Variants in SLC4A10 observed in about 807,000 individuals in gnomAD.
SLC4A10 encodes solute carrier family 4 member 10.
Under a neutral mutation model 137.7 loss-of-function variants are expected in SLC4A10, and 42 were observed. The observed-to-expected ratio is 0.30, with a 90% CI of 0.24 to 0.39. The LOEUF is 0.39. Among genes scored for constraint, SLC4A10 ranks in the 10% least tolerant of loss-of-function variants. The probability of loss-of-function intolerance (pLI) is 1.00; values close to 1 mark genes in which losing one functional copy is unlikely to be tolerated. For missense variants in SLC4A10, 925 were observed against 1,355.0 expected (o/e 0.68, Z 4.98); for synonymous variants, 474 against 464.1 (o/e 1.02, Z -0.27).
chr2:161,924,288 A>G (rs1351829394), intron 15 of SLC4A10, among the ~76,000 whole-genome samples: 2 of 152,036 alleles, frequency 1.3e-5, no homozygotes, highest in African/African-American at 4.8e-5. Context: ...TTTATTTAGC[A>G]TATCTATTTT....
chr2:161,940,084 G>A (rs1559583293), intron 15 of SLC4A10, among the ~76,000 whole-genome samples: 1 of 152,122 alleles, frequency 6.6e-6, no homozygotes, highest in Non-Finnish European at 1.5e-5. Context: ...ATTTTCTTAA[G>A]GGTATACAGC....
intron 2 of SLC4A10, among the ~76,000 whole-genome samples, chr2:161,773,133 A>C (rs1321107077): frequency 3.9e-5 from 6 of 151,918 alleles, no homozygotes; most frequent in Non-Finnish European, 7.4e-5. Context: ...GAGACTGGGA[A>C]GTCCACGATT....
chr2:161,710,561 C>A, intron 1 of SLC4A10: 1 of 262,684 alleles, frequency 3.8e-6, no homozygotes, highest in South Asian at 4.2e-5. Context: ...CAATAAAAAG[C>A]AAAGACTGGT....
At chr2:161,729,322 C>G (rs995367666) in intron 1 of SLC4A10, among the ~76,000 whole-genome samples, 11 of 152,138 alleles carry the variant, frequency 7.2e-5, no homozygotes, top group Non-Finnish European at 1.2e-4. Flanking sequence ...CCCAACCAAA[C>G]TCATAAAACT....
intron 3 of SLC4A10, among the ~76,000 whole-genome samples, chr2:161,837,824 C>T (rs549533261): frequency 9.2e-5 from 14 of 152,222 alleles, no homozygotes; most frequent in East Asian, 1.9e-4. Flanking sequence ...ATTAGGAGAT[C>T]GGGCCTTTGG....
At chr2:161,964,731 G>A (rs148126263) in intron 22 of SLC4A10, among the ~76,000 whole-genome samples, 4 of 152,046 alleles carry the variant, frequency 2.6e-5, no homozygotes, top group Admixed American at 6.5e-5. Flanking sequence ...GAATGTTCTC[G>A]TGTTCATTTA....
intron 21 of SLC4A10, among the ~76,000 whole-genome samples, chr2:161,963,641 C>T (rs1697104396): frequency 2.0e-5 from 3 of 152,034 alleles, no homozygotes; most frequent in Admixed American, 2.0e-4. Context: ...GTCTAGAACT[C>T]AGGAGAGAGC....
chr2:161,689,368 C>T (rs983715682), intron 1 of SLC4A10, among the ~76,000 whole-genome samples: 1 of 152,122 alleles, frequency 6.6e-6, no homozygotes, highest in Non-Finnish European at 1.5e-5. Context: ...TTTTTTATAT[C>T]ATATTTTTAC....
chr2:161,959,181 C>T (rs1055053389), intron 21 of SLC4A10, among the ~76,000 whole-genome samples: 4 of 152,198 alleles, frequency 2.6e-5, no homozygotes, highest in East Asian at 3.9e-4. Flanking sequence ...AGTGATATCC[C>T]GGGGGTTTTC....
rs148384092 is a variant in SLC4A10 at position 161,713,583 on chromosome 2, G to T, written c.49-57390G>T. Among the ~76,000 whole-genome samples the T allele has an allele frequency of 5.3e-5, 8 of 151,796 alleles. No homozygotes were observed. In the East Asian group the frequency reaches 1.4e-3, roughly 26 times the overall value. On this transcript the variant is annotated intron_variant, in intron 1 of 26. Transcript: ENST00000446997. ...TGGTACGTAATCTGATTTAGCTTTG[G>T]CTTTGTTTTTGACATTTCCTAAAGC...
rs560027332 is a variant in SLC4A10, at chr2:161,908,151, T to C, written c.1997+2264T>C. Among the ~76,000 whole-genome samples, 3 of 151,338 alleles carry C rather than the reference T, an allele frequency of 2.0e-5. No homozygotes were observed. In the East Asian group the frequency reaches 5.9e-4, roughly 30 times the overall value. On this transcript the variant is annotated intron_variant, in intron 15 of 26. Transcript: ENST00000446997. The stretch of plus-strand genomic sequence containing the variant: ...TAGGCAAAAAATAAATAAATAAAAA[T>C]AAGAAAGAAGCATCAGAAAAAGAGG...
At chr2:161,929,905 T>C (rs1464182274) in intron 15 of SLC4A10, among the ~76,000 whole-genome samples, 1 of 152,162 alleles carries the variant, frequency 6.6e-6, no homozygotes, top group Non-Finnish European at 1.5e-5. Context: ...TTTCTTGCCA[T>C]AGTATTATAT....
intron 1 of SLC4A10, among the ~76,000 whole-genome samples, chr2:161,640,609 C>G (rs1372199226): frequency 1.6e-5 from 2 of 128,492 alleles, no homozygotes; most frequent in African/African-American, 3.2e-5. Flanking sequence ...TCCTTCCTTC[C>G]TTCCTTCCTT....
intron 3 of SLC4A10, among the ~76,000 whole-genome samples, chr2:161,821,378 A>G (rs574722134): frequency 6.6e-6 from 1 of 152,320 alleles, no homozygotes; most frequent in South Asian, 2.1e-4. Flanking sequence ...ATCTTCCATA[A>G]TCTTGGCTGA....
chr2:161,667,108 A>G (rs1023793509), intron 1 of SLC4A10, among the ~76,000 whole-genome samples: 5 of 151,698 alleles, frequency 3.3e-5, no homozygotes, highest in African/African-American at 1.2e-4. Context: ...CTCAATGTGA[A>G]GCATTTCATT....
At chr2:161,962,069 T>G (rs1385930077) in intron 21 of SLC4A10, among the ~76,000 whole-genome samples, 3 of 152,244 alleles carry the variant, frequency 2.0e-5, no homozygotes, top group Non-Finnish European at 2.9e-5. Flanking sequence ...TGATGATGAT[T>G]ATTATTTAAA....
At chr2:161,689,697 C>G (rs1475215827) in intron 1 of SLC4A10, among the ~76,000 whole-genome samples, 2 of 152,110 alleles carry the variant, frequency 1.3e-5, no homozygotes, top group African/African-American at 4.8e-5. Context: ...TAAGATCTTT[C>G]CAGATGTTAT....
intron 24 of SLC4A10, among the ~76,000 whole-genome samples, chr2:161,975,161 T>G (rs564406039): frequency 6.6e-6 from 1 of 152,326 alleles, no homozygotes; most frequent in Non-Finnish European, 1.5e-5. Flanking sequence ...TGTGATTACC[T>G]CCCTCTTAAG....
At chr2:161,660,556 A>ATTTATTTCTTTC (rs2038154433) in intron 1 of SLC4A10, among the ~76,000 whole-genome samples, 2 of 110,436 alleles carry the variant, frequency 1.8e-5, no homozygotes, top group South Asian at 6.8e-4. Context: ...ACTCATCTAT[A>ATTTATTTCTTTC]TTTCTTTCTT....
Sources: gnomAD v4.1 joint callset for allele counts (sites outside exome capture counted in the v4.1 genomes callset) on GRCh38, gnomAD v4.1.1 for gene constraint, MANE v1.5 for transcripts, NCBI Gene and HGNC (gene_info 2026-07-23, HGNC 2026-07-21) for gene names.